The following DCLK1 variants were observed in gnomAD, a reference collection of about 807,000 sequenced individuals.
The protein encoded by DCLK1 is doublecortin like kinase 1.
DCLK1 carries 16 observed loss-of-function variants against 86.2 expected under a neutral mutation model. The observed-to-expected ratio is 0.19, with a 90% CI of 0.13 to 0.28. The LOEUF (loss-of-function observed/expected upper bound fraction) is 0.28, where lower values mean the gene tolerates loss of function less well. Ranked by LOEUF, DCLK1 falls within the 10% of genes least tolerant of loss-of-function variation. The pLI is 1.00. For synonymous variants in DCLK1, 369 were observed against 370.5 expected (o/e 1.00, Z 0.05); for missense variants, 590 against 940.2 (o/e 0.63, Z 4.87).
intron 3 of DCLK1, among the ~76,000 whole-genome samples, chr13:35,983,356 G>A (rs1879753904): frequency 6.6e-6 from 1 of 152,134 alleles, no homozygotes; most frequent in African/African-American, 2.4e-5. Flanking sequence ...GGCTGGTGGA[G>A]CATGTTAATC....
chr13:36,035,547 T>G (rs1882458179), intron 3 of DCLK1, among the ~76,000 whole-genome samples: 1 of 152,168 alleles, frequency 6.6e-6, no homozygotes, highest in Non-Finnish European at 1.5e-5. Context: ...CTTATGTAAT[T>G]TTTCTTTTGA....
chr13:36,084,494 G>T (rs1420334629), intron 3 of DCLK1, among the ~76,000 whole-genome samples: 1 of 152,170 alleles, frequency 6.6e-6, no homozygotes, highest in Non-Finnish European at 1.5e-5. Context: ...TCTTGTTGAA[G>T]AATCACTAAA....
intron 4 of DCLK1, among the ~76,000 whole-genome samples, chr13:35,881,424 C>CTTCCCTTTTT (rs1872894494): frequency 6.6e-6 from 1 of 152,146 alleles, no homozygotes; most frequent in African/African-American, 2.4e-5. Flanking sequence ...CAGGGAAAGC[C>CTTCCCTTTTT]TTCCCTTTTT....
intron 4 of DCLK1, among the ~76,000 whole-genome samples, chr13:35,894,446 G>A (rs1192863241): frequency 3.9e-5 from 6 of 152,194 alleles, no homozygotes; most frequent in Non-Finnish European, 7.3e-5. Flanking sequence ...TCTCGCAGTG[G>A]AGAGGAGGGA....
chr13:35,786,026 C>T (rs1219124338), intron 16 of DCLK1, among the ~76,000 whole-genome samples: 1 of 152,150 alleles, frequency 6.6e-6, no homozygotes, highest in Admixed American at 6.6e-5. Context: ...GTTACTGCCC[C>T]AGCTGGAAAA....
intron 6 of DCLK1, among the ~76,000 whole-genome samples, chr13:35,840,226 C>T (rs1420457407): frequency 6.6e-6 from 1 of 152,166 alleles, no homozygotes; most frequent in Admixed American, 6.5e-5. Flanking sequence ...ACCTCCTCCC[C>T]AACCCATTCA....
chr13:35,994,994 A>G (rs1376546544), intron 3 of DCLK1, among the ~76,000 whole-genome samples: 1 of 152,208 alleles, frequency 6.6e-6, no homozygotes, highest in Non-Finnish European at 1.5e-5. Flanking sequence ...AGCACATTCA[A>G]TTTTAAAATG....
At chr13:36,063,767 G>A (rs577253141) in intron 3 of DCLK1, among the ~76,000 whole-genome samples, 47 of 152,244 alleles carry the variant, frequency 3.1e-4, no homozygotes, top group Non-Finnish European at 5.9e-4. Flanking sequence ...CTAGTAGCTA[G>A]TCAGGAATTC....
At chr13:35,945,703 C>G (rs774935945) in intron 4 of DCLK1, among the ~76,000 whole-genome samples, 80 of 152,066 alleles carry the variant, frequency 5.3e-4, no homozygotes, top group Admixed American at 3.9e-4. Context: ...TCTTGACTTT[C>G]ACCTGTTCTA....
intron 5 of DCLK1, among the ~76,000 whole-genome samples, chr13:35,862,900 T>G (rs868221382): frequency 1.8e-4 from 28 of 151,942 alleles, no homozygotes; most frequent in African/African-American, 6.8e-4. Flanking sequence ...TATAGTTACA[T>G]GCATACAGTC....
chr13:35,966,501 C>T lies in DCLK1; in HGVS notation c.724-19044G>A, dbSNP rs144095396. On this transcript the variant is annotated intron_variant, in intron 3 of 16. Transcript: ENST00000360631. ...CTCTCCCTCTCCCTCTCCCCCTCCCCCTCCCCCTCCCCCTCTCCCTCTCCC... is the reference window on the plus strand; with the variant it reads ...CTCTCCCTCTCCCTCTCCCCCTCCCTCTCCCCCTCCCCCTCTCCCTCTCCC... Among the ~76,000 whole-genome samples, 695 of 133,312 alleles carry T rather than the reference C, an allele frequency of 5.2e-3. 8 individuals carry two copies. Among genetic ancestry groups the T allele is most frequent in the African/African-American group, 0.019 (663 of 34,708 alleles). 87.5% of individuals were successfully genotyped at this position (133,312 alleles called of 152,430 possible).
At chr13:35,840,867 A>G (rs1232636390) in intron 6 of DCLK1, among the ~76,000 whole-genome samples, 1 of 152,234 alleles carries the variant, frequency 6.6e-6, no homozygotes, top group Non-Finnish European at 1.5e-5. Flanking sequence ...TGTTTATAAT[A>G]TTGCAGTATG....
At chr13:35,905,905 G>A (rs11147593) in intron 4 of DCLK1, among the ~76,000 whole-genome samples, 91,494 of 151,992 alleles carry the variant, frequency 0.6, 30,215 homozygotes, top group Non-Finnish European at 0.74. Flanking sequence ...AGTCCCAGTC[G>A]CCCATTATAT....
chr13:35,777,400 A>T (rs1179440033), intron 16 of DCLK1, among the ~76,000 whole-genome samples: 1 of 152,200 alleles, frequency 6.6e-6, no homozygotes, highest in Non-Finnish European at 1.5e-5. Context: ...AACAGAACTC[A>T]GTCTTCTCCT....
At position 35,805,761 on chromosome 13, in the gene DCLK1, G is replaced by A. The variant is rs1356061555; in HGVS notation, c.1882C>T (p.Leu628=). ...DSAKELITMM[L]LVDVDQRFSA... ...AATCGCTGATCTACATCGACCAACA[G>A]CATCATGGTAATGAGCTCCTGTGAA... The change falls in exon 15 of 17, where the codon CTG becomes TTG. Residue 628 remains leucine (L), a synonymous_variant. Coordinates refer to ENST00000360631, the MANE Select transcript of DCLK1 (RefSeq NM_001330071.2). The A allele has an allele frequency of 1.2e-6, 2 of 1,613,574 alleles. No individual in the cohort carries two copies. Among genetic ancestry groups the A allele is most frequent in the South Asian group, 1.1e-5 (1 of 91,012 alleles).
chr13:36,047,664 A>G (rs1029082282), intron 3 of DCLK1, among the ~76,000 whole-genome samples: 3 of 151,926 alleles, frequency 2.0e-5, no homozygotes, highest in African/African-American at 7.2e-5. Flanking sequence ...GAGAGTAGAA[A>G]GGTGGTTACC....
chr13:36,070,644 A>T (rs1056115534), intron 3 of DCLK1, among the ~76,000 whole-genome samples: 8 of 151,012 alleles, frequency 5.3e-5, no homozygotes, highest in Non-Finnish European at 7.4e-5. Context: ...TTTTAACTTA[A>T]TTTTTTTTCT....
intron 3 of DCLK1, among the ~76,000 whole-genome samples, chr13:36,095,151 A>ATC (rs1313994536): frequency 5.9e-4 from 85 of 143,318 alleles, no homozygotes; most frequent in East Asian, 5.7e-3. Context: ...ATCCTCTGAT[A>ATC]TCTCTCTATC....
intron 3 of DCLK1, among the ~76,000 whole-genome samples, chr13:35,982,425 AGAGAGAGGGGGAGGGAGGGAGG>A (rs1879694356): frequency 5.1e-5 from 2 of 39,460 alleles, no homozygotes; most frequent in South Asian, 2.0e-3. Flanking sequence ...AGAGAGAGAG[AGAGAGAGGGGGAGGGAGGGAGG>A]GAGGGAGGGA....
Sources: gnomAD v4.1 joint callset for allele counts (sites outside exome capture counted in the v4.1 genomes callset) on GRCh38, gnomAD v4.1.1 for gene constraint, MANE v1.5 for transcripts, NCBI Gene and HGNC (gene_info 2026-07-23, HGNC 2026-07-21) for gene names.